KRT33A: variants seen among roughly 807,000 people sequenced by gnomAD.
The protein encoded by KRT33A is keratin 33A.
KRT33A carries 44 observed loss-of-function variants against 41.1 expected under a neutral mutation model. The ratio of observed to expected loss-of-function variants is 1.07; its 90% CI spans 0.84 to 1.38. KRT33A has a LOEUF of 1.38. Among genes scored for constraint, KRT33A ranks in the 40% most tolerant of loss-of-function variants. KRT33A has a pLI of 0.00. For synonymous variants in KRT33A, 229 were observed against 227.8 expected (o/e 1.01, Z -0.05); for missense variants, 536 against 518.5 (o/e 1.03, Z -0.33).
At chr17:41,349,038 G>A (rs112323653) in intron 2 of KRT33A, among the ~76,000 whole-genome samples, 108 of 152,314 alleles carry the variant, frequency 7.1e-4, no homozygotes, top group African/African-American at 2.5e-3. Context: ...AAAATAATAT[G>A]CTTCCACATT....
At chr17:41,348,727 A>C in intron 2 of KRT33A, 88 bp from the exon 3 acceptor site, 1 of 1,409,828 alleles carries the variant, frequency 7.1e-7, no homozygotes, top group Admixed American at 2.0e-5. Context: ...GGCAACTAGG[A>C]ATTAGGGTTT....
Position 41,346,946 on chromosome 17 carries a change from C to A in KRT33A, c.774G>T (p.Val258=). The A allele has an allele frequency of 6.2e-7, 1 of 1,613,598 alleles. No individual in the cohort carries two copies. The highest frequency in any genetic ancestry group is 1.1e-5 in the South Asian group (1 of 91,056). ...ATQTEELNKQ[V]VSSSEQLQSY... The stretch of plus-strand genomic sequence containing the variant: ...ACTGCAGCTGCTCCGAGCTGGATAC[C>A]ACCTGCTTGTTCAGCTCCTCGGTCT... The change falls in exon 5 of 7, where the codon GTG becomes GTT. Residue 258 remains valine, a synonymous_variant. Transcript: ENST00000007735.
Position 41,350,792 on chromosome 17 carries a change from G to A in KRT33A, c.-25C>T, listed in dbSNP as rs1393255409. The A allele has an allele frequency of 1.9e-6, 3 of 1,591,596 alleles. No individual in the cohort carries two copies. The highest frequency in any genetic ancestry group is 1.1e-5 in the South Asian group (1 of 89,138). Reference sequence around the variant, plus strand: ...TGGTGCAGGGAGGGAGTGTCCAGCTGAAGACAGAGTCCAAAATCTCCAGGT... The same window carrying A: ...TGGTGCAGGGAGGGAGTGTCCAGCTAAAGACAGAGTCCAAAATCTCCAGGT... On this transcript the variant is annotated 5_prime_UTR_variant, in exon 1 of 7. Coordinates refer to ENST00000007735, the MANE Select transcript of KRT33A (RefSeq NM_004138.4).
chr17:41,347,809 C>A (rs966579984), intron 3 of KRT33A, among the ~76,000 whole-genome samples: 16 of 152,222 alleles, frequency 1.1e-4, no homozygotes, highest in African/African-American at 3.9e-4. Context: ...TCATCTCTAC[C>A]ACTTAATACA....
intron 6 of KRT33A, 100 bp downstream of exon 6, chr17:41,346,348 C>G: frequency 1.3e-6 from 2 of 1,589,252 alleles, no homozygotes; most frequent in Non-Finnish European, 1.7e-6. Context: ...TTCCTCCAAA[C>G]AAAAGCTTGA....
chr17:41,350,313 G>C (rs1390403714), intron 1 of KRT33A, 107 bp downstream of exon 1: 102 of 1,367,660 alleles, frequency 7.5e-5, no homozygotes, highest in Non-Finnish European at 9.6e-5. Context: ...GGAAAGGCCA[G>C]TTTTCAGCTT....
At chr17:41,348,829 T>C (rs903808573) in intron 2 of KRT33A, among the ~76,000 whole-genome samples, 190 bp from the exon 3 acceptor site, 3 of 152,130 alleles carry the variant, frequency 2.0e-5, no homozygotes, top group Non-Finnish European at 2.9e-5. Context: ...ATCCAGTGGA[T>C]AGACTTCTAT....
At chr17:41,348,752 C>T (rs2017461133) in intron 2 of KRT33A, 113 bp from the exon 3 acceptor site, 4 of 1,139,100 alleles carry the variant, frequency 3.5e-6, no homozygotes, top group African/African-American at 3.1e-5. Context: ...TTTTTATAGC[C>T]ATCTCTTTTG....
Position 41,346,838 on chromosome 17 carries a change from A to G in KRT33A, c.876+6T>C, listed in dbSNP as rs1298281928. The G allele has an allele frequency of 2.5e-6, 4 of 1,612,516 alleles. No individual in the cohort carries two copies. The highest frequency in any genetic ancestry group is 3.4e-6 in the Non-Finnish European group (4 of 1,179,964). On this transcript the variant is annotated splice_donor_region_variant and intron_variant, in intron 5 of 6. Transcript: ENST00000007735. ...TCGCTCACCAGCAGGTCTGAACAAT[A>G]CACACCAGGTTGTGCTGGGCCTGCA...
chr17:41,347,059 A>G lies in KRT33A; in HGVS notation c.750+2T>C, dbSNP rs200472570. On this transcript the variant is annotated splice_donor_variant, in intron 4 of 6. Transcript: ENST00000007735. LOFTEE classifies it high-confidence loss of function. ...TGAGTGGCCACGTGCTTAGATGCCC[A>G]CCTGCGTGGCGAACCATTGCTCCAC... The G allele has an allele frequency of 4.9e-5, 79 of 1,613,220 alleles. No homozygotes were observed. The highest frequency in any genetic ancestry group is 4.3e-4 in the Admixed American group (26 of 59,974).
Position 41,349,386 on chromosome 17 carries a change from T to A in KRT33A, c.391A>T (p.Ile131Phe), listed in dbSNP as rs1330528707. 2 of 1,613,876 alleles carry A rather than the reference T, an allele frequency of 1.2e-6. No homozygotes were observed. The highest frequency in any genetic ancestry group is 2.7e-5 in the African/African-American group (2 of 74,846). The change falls in exon 2 of 7, where the codon ATC becomes TTC. Residue 131 changes from isoleucine (I) to phenylalanine (F), a missense_variant. Physicochemically the swap from Ile to Phe is conservative, Grantham distance 21. Transcript: ENST00000007735. Reference protein sequence around the residue: ...KSENARLVVQIDNAKLASDDF... With the variant: ...KSENARLVVQFDNAKLASDDF... ...TCTGAGGCCAGCTTGGCATTGTCGA[T>A]CTGCACCACAAGCCTGGCATTCTCA...
chr17:41,348,486 C>T lies in KRT33A; in HGVS notation c.585G>A (p.Glu195=). ...CATCACTCTTCAGGGAACTCACCTGCTCATGGTTCTGCTTGAGGCACAGCA... is the reference window on the plus strand; with the variant it reads ...CATCACTCTTCAGGGAACTCACCTGTTCATGGTTCTGCTTGAGGCACAGCA... ...EELLCLKQNH[E]QEVNTLRCQL... Residue 195 remains glutamate (E), a synonymous_variant, in exon 3 of 7, where the codon GAG becomes GAA. Coordinates refer to ENST00000007735, the MANE Select transcript of KRT33A (RefSeq NM_004138.4). The T allele has an allele frequency of 1.2e-6, 2 of 1,614,070 alleles. No homozygotes were observed. Among genetic ancestry groups the T allele is most frequent in the Non-Finnish European group, 1.7e-6 (2 of 1,180,034 alleles).
rs1433623958 is a variant in KRT33A at position 41,350,573 on chromosome 17, G to A, written c.195C>T (p.Asp65=). The part of the protein sequence containing the change: ...SEKETMQFLN[D]RLASYLEKVR... Reference sequence around the variant, plus strand: ...CCTTCTCCAGGTAGCTGGCCAGGCGGTCGTTCAGGAACTGCATGGTCTCCT... The same window carrying A: ...CCTTCTCCAGGTAGCTGGCCAGGCGATCGTTCAGGAACTGCATGGTCTCCT... The change falls in exon 1 of 7, where the codon GAC becomes GAT. Residue 65 remains aspartate, a synonymous_variant. Transcript: ENST00000007735. The A allele has an allele frequency of 1.9e-6, 3 of 1,613,778 alleles. No individual in the cohort carries two copies. Among genetic ancestry groups the A allele is most frequent in the Non-Finnish European group, 2.5e-6 (3 of 1,180,058 alleles).
At position 41,346,586 on chromosome 17, in the gene KRT33A, T is replaced by C. The variant is rs377617208; in HGVS notation, c.959A>G (p.Asn320Ser). 5.0e-6 allele frequency: 8 copies of C among 1,614,222 alleles called. No homozygotes were observed. The highest frequency in any genetic ancestry group is 1.7e-5 in the Admixed American group (1 of 60,022). The part of the protein sequence containing the change: ...QLSQVQRLIT[N>S]VESQLAEIRS... ...GATCTCCGCCAGCTGGGACTCCACG[T>C]TGGTGATCAGTCTCTGCACCTGGGA... Residue 320 changes from asparagine to serine, a missense_variant, in exon 6 of 7, where the codon AAC becomes AGC. Transcript: ENST00000007735.
At chr17:41,348,799 T>G (rs929741906) in intron 2 of KRT33A, among the ~76,000 whole-genome samples, 160 bp from the exon 3 acceptor site, 4 of 152,186 alleles carry the variant, frequency 2.6e-5, no homozygotes, top group African/African-American at 9.7e-5. Flanking sequence ...GAAAATGCAC[T>G]GGTAATTTTA....
rs2017489586 is a variant in KRT33A at position 41,350,484 on chromosome 17, T to A, written c.284A>T (p.Gln95Leu). Residue 95 changes from glutamine (Q) to leucine (L), a missense_variant, in exon 1 of 7, where the codon CAG becomes CTG. Transcript: ENST00000007735. Reference protein sequence around the residue: ...ENLIRERSQQQEPLVCASYQS... With the variant: ...ENLIRERSQQLEPLVCASYQS... ...GTAGCTGGCACACACCAAGGGCTCC[T>A]GCTGCTGTGACCGCTCCCGGATGAG... 6.2e-7 allele frequency: 1 copy of A among 1,614,156 alleles called. No homozygotes were observed.
chr17:41,349,801 G>A (rs146536270), intron 1 of KRT33A, among the ~76,000 whole-genome samples: 2 of 151,778 alleles, frequency 1.3e-5, no homozygotes, highest in Non-Finnish European at 2.9e-5. Flanking sequence ...AGACAAATAG[G>A]TAAACTAGCA....
chr17:41,346,434 A>AC lies in KRT33A; in HGVS notation c.1097+13dup. 2 of 1,613,616 alleles carry AC rather than the reference A, an allele frequency of 1.2e-6. No individual in the cohort carries two copies. Among genetic ancestry groups the AC allele is most frequent in the East Asian group, 4.5e-5 (2 of 44,866 alleles). ...AACATGCCCCAAGGAGAAGATTACT[A>AC]CCCCCATACTGACTTGCAGTCCTCG... On this transcript the variant is annotated intron_variant, in intron 6 of 6. Coordinates refer to ENST00000007735, the MANE Select transcript of KRT33A (RefSeq NM_004138.4).
chr17:41,349,359 C>A lies in KRT33A; in HGVS notation c.418G>T (p.Asp140Tyr). The change falls in exon 2 of 7, where the codon GAC (aspartate) becomes TAC (tyrosine). Residue 140 changes from aspartate (D) to tyrosine (Y), a missense_variant. Asp to Tyr is a radical substitution (Grantham distance 160). Transcript: ENST00000007735. ...TTGCCCACTCACTTGGTCCTGAAGT[C>A]ATCTGAGGCCAGCTTGGCATTGTCG... The part of the protein sequence containing the change: ...QIDNAKLASD[D>Y]FRTKYETELS... 6.2e-7 allele frequency: 1 copy of A among 1,614,086 alleles called. No individual in the cohort carries two copies. The highest frequency in any genetic ancestry group is 8.5e-7 in the Non-Finnish European group (1 of 1,180,012).
Sources: allele counts gnomAD v4.1 joint callset (sites outside exome capture counted in the v4.1 genomes callset), GRCh38; gene constraint gnomAD v4.1.1; transcripts MANE v1.5; gene names NCBI Gene and HGNC (gene_info 2026-07-23, HGNC 2026-07-21).